ZZZ3: variants seen among roughly 807,000 people sequenced by gnomAD.
The protein encoded by ZZZ3 is ZZ-type zinc finger-containing protein 3.
A neutral mutation model predicts 95.2 loss-of-function variants in ZZZ3; 22 were observed. That is an observed-to-expected ratio of 0.23 (90% confidence interval 0.17 to 0.33). The LOEUF is 0.33. ZZZ3 is among the 10% of genes least tolerant of loss of function. The pLI is 1.00. For synonymous variants in ZZZ3, 335 were observed against 358.9 expected (o/e 0.93, Z 0.75); for missense variants, 885 against 1,066.5 (o/e 0.83, Z 2.37).
rs764711845 is a variant in ZZZ3, at chr1:77,563,512, A to C, written c.*2128T>G. 1 of 152,220 alleles carries C rather than the reference A, an allele frequency of 6.6e-6. No homozygotes were observed. The highest frequency in any genetic ancestry group is 2.4e-5 in the African/African-American group (1 of 41,444). The allele number at this position is 152,220 out of a possible 1,614,324, so 9.4% of individuals were successfully genotyped here. A position where few individuals can be genotyped will look rare whatever the true frequency, so the allele number is the denominator to read the frequency against. On this transcript the variant is annotated 3_prime_UTR_variant, in exon 15 of 15. Coordinates refer to ENST00000370801, the MANE Select transcript of ZZZ3 (RefSeq NM_015534.6). The stretch of plus-strand genomic sequence containing the variant: ...AAATCTCAAAAAATGTTTGCCCTAG[A>C]AAAATGCATTCAAATGGTTTGTCTA...
chr1:77,672,172 T>C (rs1324898018), intron 1 of ZZZ3, among the ~76,000 whole-genome samples: 2 of 152,222 alleles, frequency 1.3e-5, no homozygotes, highest in South Asian at 4.1e-4. Context: ...GATTCTGATA[T>C]TCAGAATCTG....
chr1:77,639,246 C>T (rs1313949068), intron 4 of ZZZ3, among the ~76,000 whole-genome samples: 4 of 151,790 alleles, frequency 2.6e-5, no homozygotes, highest in Non-Finnish European at 5.9e-5. Context: ...TTCATTTATA[C>T]CCCATTGAAA....
At chr1:77,672,882 A>C (rs746694914) in intron 1 of ZZZ3, among the ~76,000 whole-genome samples, 75 of 152,210 alleles carry the variant, frequency 4.9e-4, no homozygotes, top group Non-Finnish European at 8.2e-4. Flanking sequence ...CCCCTATTGC[A>C]TGATGTTTCC....
At chr1:77,603,235 T>C (rs529708895) in intron 5 of ZZZ3, among the ~76,000 whole-genome samples, 98 of 152,216 alleles carry the variant, frequency 6.4e-4, no homozygotes, top group African/African-American at 2.1e-3. Context: ...CAAGCCACAA[T>C]GCCCAGCTAT....
At chr1:77,616,240 A>G (rs1666301548) in intron 5 of ZZZ3, among the ~76,000 whole-genome samples, 1 of 152,204 alleles carries the variant, frequency 6.6e-6, no homozygotes, top group African/African-American at 2.4e-5. Context: ...GAACATTAAC[A>G]AGTTTCTAAT....
intron 6 of ZZZ3, among the ~76,000 whole-genome samples, chr1:77,582,611 T>A (rs1156635319): frequency 6.6e-6 from 1 of 150,836 alleles, no homozygotes; most frequent in Non-Finnish European, 1.5e-5. Context: ...ATCTTTTAAA[T>A]TAAACCTAGT....
chr1:77,631,005 GT>G (rs1667756445), intron 5 of ZZZ3, among the ~76,000 whole-genome samples: 1 of 152,132 alleles, frequency 6.6e-6, no homozygotes, highest in Non-Finnish European at 1.5e-5. Flanking sequence ...GTCTTTTATT[GT>G]TGCTAATCAT....
chr1:77,664,429 T>C (rs1222216957), intron 1 of ZZZ3, among the ~76,000 whole-genome samples: 1 of 152,230 alleles, frequency 6.6e-6, no homozygotes, highest in South Asian at 2.1e-4. Flanking sequence ...AAAATTACAA[T>C]GTATAGTTTG....
chr1:77,625,020 A>G (rs1667213049), intron 5 of ZZZ3, among the ~76,000 whole-genome samples: 1 of 152,232 alleles, frequency 6.6e-6, no homozygotes, highest in African/African-American at 2.4e-5. Context: ...GAGGTTTCCT[A>G]TAGATCTGGT....
At chr1:77,599,698 T>C (rs1405438271) in intron 5 of ZZZ3, among the ~76,000 whole-genome samples, 1 of 152,074 alleles carries the variant, frequency 6.6e-6, no homozygotes, top group African/African-American at 2.4e-5. Context: ...CCTGCTCTTA[T>C]TCATCTGCTA....
intron 12 of ZZZ3, among the ~76,000 whole-genome samples, chr1:77,572,541 T>C (rs918940987): frequency 2.6e-5 from 4 of 152,126 alleles, no homozygotes; most frequent in Admixed American, 2.6e-4. Context: ...GGTTTCACCA[T>C]ATTGGCCAGG....
rs193026487 is a variant in ZZZ3 at position 77,603,578 on chromosome 1, G to T, written c.1506-18923C>A. ...AAGCGGTGTAAGGACTAGATTATGTGCATGAATATCCCCAAGATGCAAAGT... is the reference window on the plus strand; with the variant it reads ...AAGCGGTGTAAGGACTAGATTATGTTCATGAATATCCCCAAGATGCAAAGT... On this transcript the variant is annotated intron_variant, in intron 5 of 14. Coordinates refer to ENST00000370801, the MANE Select transcript of ZZZ3 (RefSeq NM_015534.6). Among the ~76,000 whole-genome samples, 435 of 152,266 alleles carry T rather than the reference G, an allele frequency of 2.9e-3. 3 individuals carry two copies. Among genetic ancestry groups the T allele is most frequent in the Middle Eastern group, 6.8e-3 (2 of 294 alleles).
chr1:77,640,543 T>G (rs1381743119), intron 3 of ZZZ3, among the ~76,000 whole-genome samples: 1 of 147,232 alleles, frequency 6.8e-6, no homozygotes, highest in Non-Finnish European at 1.5e-5. Context: ...GAGGTTGCAG[T>G]GAGCCAAGAT....
At chr1:77,650,921 CACA>C (rs1469686730) in intron 1 of ZZZ3, among the ~76,000 whole-genome samples, 1 of 152,100 alleles carries the variant, frequency 6.6e-6, no homozygotes, top group Non-Finnish European at 1.5e-5. Flanking sequence ...TAGATATTTT[CACA>C]ACAAGGGTAC....
intron 1 of ZZZ3, among the ~76,000 whole-genome samples, chr1:77,653,647 G>A (rs1344065399): frequency 6.6e-6 from 1 of 152,050 alleles, no homozygotes; most frequent in Non-Finnish European, 1.5e-5. Flanking sequence ...CAGCTACTCG[G>A]GAGGCTGAGG....
At chr1:77,627,116 T>G (rs1325033440) in intron 5 of ZZZ3, among the ~76,000 whole-genome samples, 1 of 152,168 alleles carries the variant, frequency 6.6e-6, no homozygotes, top group African/African-American at 2.4e-5. Flanking sequence ...ATGAAGTAAG[T>G]CCTCACTGGA....
intron 11 of ZZZ3, among the ~76,000 whole-genome samples, chr1:77,576,820 A>C (rs1191572997): frequency 6.6e-6 from 1 of 152,062 alleles, no homozygotes; most frequent in Admixed American, 6.6e-5. Flanking sequence ...AAAGTTTACC[A>C]ATTTGTGTTG....
intron 1 of ZZZ3, among the ~76,000 whole-genome samples, chr1:77,673,723 A>T (rs1671996659): frequency 6.6e-6 from 1 of 152,170 alleles, no homozygotes; most frequent in Non-Finnish European, 1.5e-5. Flanking sequence ...TACACACCAC[A>T]ATGTTGTACT....
chr1:77,597,289 A>G (rs1201433502), intron 5 of ZZZ3, among the ~76,000 whole-genome samples: 1 of 152,122 alleles, frequency 6.6e-6, no homozygotes, highest in African/African-American at 2.4e-5. Flanking sequence ...CTGTCAGTCC[A>G]CACTGATATA....
Sources: allele counts gnomAD v4.1 joint callset (sites outside exome capture counted in the v4.1 genomes callset), GRCh38; gene constraint gnomAD v4.1.1; transcripts MANE v1.5; gene names NCBI Gene and HGNC (gene_info 2026-07-23, HGNC 2026-07-21).